The following SRGAP3 variants were observed in gnomAD, a reference collection of about 807,000 sequenced individuals.
SRGAP3 encodes the protein SLIT-ROBO Rho GTPase-activating protein 3.
A neutral mutation model predicts 121.1 loss-of-function variants in SRGAP3; 39 were observed. The observed-to-expected ratio is 0.32, with a 90% CI of 0.25 to 0.42. The LOEUF is 0.42. SRGAP3 is among the 10% of genes least tolerant of loss of function. SRGAP3 has a pLI of 1.00. For missense variants in SRGAP3, 1,213 were observed against 1,470.6 expected (o/e 0.82, Z 2.86); for synonymous variants, 601 against 570.0 (o/e 1.05, Z -0.77).
At chr3:9,180,830 C>T (rs1353345975) in intron 1 of SRGAP3, among the ~76,000 whole-genome samples, 2 of 152,116 alleles carry the variant, frequency 1.3e-5, no homozygotes, top group African/African-American at 4.8e-5. Flanking sequence ...GCCAGCACCT[C>T]CTGCAAATGC....
chr3:9,301,596 C>T (rs1199153267), intron 3 of SRGAP3, among the ~76,000 whole-genome samples: 2 of 152,182 alleles, frequency 1.3e-5, no homozygotes, highest in Admixed American at 1.3e-4. Context: ...ACAGTGAGCA[C>T]GGCTGATGCC....
chr3:9,034,638 G>A (rs1343579968), intron 11 of SRGAP3: 1 of 152,194 alleles, frequency 6.6e-6, no homozygotes, highest in Non-Finnish European at 1.5e-5. Context: ...ATTTTGAAAA[G>A]AAACAACAGG....
At chr3:9,328,304 T>C (rs1422148858) in intron 2 of SRGAP3, among the ~76,000 whole-genome samples, 1 of 152,214 alleles carries the variant, frequency 6.6e-6, no homozygotes, top group African/African-American at 2.4e-5. Flanking sequence ...CAGAAGAAGA[T>C]TACTACAGTA....
rs928651893 is a variant in SRGAP3, at chr3:9,249,626, C to G, written c.-675G>C. On this transcript the variant is annotated 5_prime_UTR_variant, in exon 1 of 22. Transcript: ENST00000383836. ...TTTTCCTGCTGCAACGCTTAAGCTC[C>G]GGTGAACACAAGGCTGGACTGCTCG... The G allele has an allele frequency of 4.2e-6, 1 of 237,174 alleles. No homozygotes were observed. Among genetic ancestry groups the G allele is most frequent in the African/African-American group, 2.2e-5 (1 of 45,338 alleles). The allele number at this position is 237,174 out of a possible 1,614,324, so 14.7% of individuals were successfully genotyped here.
intron 1 of SRGAP3, among the ~76,000 whole-genome samples, chr3:9,175,147 A>C (rs1951132549): frequency 1.3e-5 from 2 of 152,230 alleles, no homozygotes; most frequent in South Asian, 4.1e-4. Context: ...TTCCAACATC[A>C]TTTAAGCATG....
chr3:9,066,480 T>G (rs1335801240), intron 4 of SRGAP3, among the ~76,000 whole-genome samples: 5 of 152,194 alleles, frequency 3.3e-5, no homozygotes, highest in Non-Finnish European at 7.3e-5. Flanking sequence ...GTGCGTTTAT[T>G]AGAATGAGGA....
chr3:9,228,969 G>A (rs1313874407), intron 1 of SRGAP3, among the ~76,000 whole-genome samples: 1 of 151,432 alleles, frequency 6.6e-6, no homozygotes. Flanking sequence ...GGCTGAGGCA[G>A]GAGAATGGCG....
At chr3:9,029,361 T>C (rs1308696478) in intron 12 of SRGAP3, among the ~76,000 whole-genome samples, 1 of 152,172 alleles carries the variant, frequency 6.6e-6, no homozygotes, top group East Asian at 1.9e-4. Context: ...GGCTTCAAAA[T>C]TGGCTCTTAT....
At chr3:9,112,913 T>C (rs1324888389) in intron 2 of SRGAP3, among the ~76,000 whole-genome samples, 1 of 152,124 alleles carries the variant, frequency 6.6e-6, no homozygotes, top group Non-Finnish European at 1.5e-5. Flanking sequence ...TATTTGTGAG[T>C]AGGTGAAAAG....
intron 3 of SRGAP3, among the ~76,000 whole-genome samples, chr3:9,318,793 C>T (rs1353279062): frequency 6.6e-6 from 1 of 151,476 alleles, no homozygotes; most frequent in Non-Finnish European, 1.5e-5. Context: ...ATGGGGGGAT[C>T]GCTTGAGCCT....
chr3:9,070,534 T>A (rs1373964724), intron 4 of SRGAP3, among the ~76,000 whole-genome samples: 1 of 152,156 alleles, frequency 6.6e-6, no homozygotes, highest in Non-Finnish European at 1.5e-5. Context: ...GCTGGCTGGA[T>A]CAACAGATCA....
chr3:9,162,179 C>T (rs1293142759), intron 1 of SRGAP3, among the ~76,000 whole-genome samples: 1 of 151,976 alleles, frequency 6.6e-6, no homozygotes, highest in African/African-American at 2.4e-5. Flanking sequence ...GAGTGGGTTT[C>T]AGTTGCGGAA....
chr3:8,992,753 T>C (rs1188269019), intron 20 of SRGAP3, 153 bp downstream of exon 20: 1 of 1,407,674 alleles, frequency 7.1e-7, no homozygotes, highest in Non-Finnish European at 9.9e-7. Context: ...CTTGGGCCAA[T>C]GCCAGCCAGC....
intron 1 of SRGAP3, among the ~76,000 whole-genome samples, chr3:9,162,547 T>A (rs910748961): frequency 3.3e-5 from 5 of 152,210 alleles, no homozygotes; most frequent in African/African-American, 1.2e-4. Context: ...CTGCTCCTTC[T>A]GGTCCACTTG....
At chr3:9,344,729 A>G (rs895721251) in intron 1 of SRGAP3, among the ~76,000 whole-genome samples, 1 of 152,166 alleles carries the variant, frequency 6.6e-6, no homozygotes, top group African/African-American at 2.4e-5. Flanking sequence ...CTACCTTTCT[A>G]TATTTCCTAA....
intron 3 of SRGAP3, among the ~76,000 whole-genome samples, chr3:9,080,383 G>A (rs1947181396): frequency 6.6e-6 from 1 of 152,142 alleles, no homozygotes; most frequent in African/African-American, 2.4e-5. Flanking sequence ...AAAGATGTGG[G>A]GAAGCCCCAC....
intron 1 of SRGAP3, among the ~76,000 whole-genome samples, chr3:9,204,658 T>A (rs988080208): frequency 2.6e-5 from 4 of 152,222 alleles, no homozygotes; most frequent in Admixed American, 2.6e-4. Context: ...GGTCTTTTTT[T>A]TTTTTAAGTC....
At chr3:9,295,230 C>T (rs989544896) in intron 3 of SRGAP3, among the ~76,000 whole-genome samples, 2 of 152,298 alleles carry the variant, frequency 1.3e-5, no homozygotes, top group East Asian at 3.9e-4. Context: ...TGGTCTGTTG[C>T]TATGGCAACT....
intron 3 of SRGAP3, among the ~76,000 whole-genome samples, chr3:9,283,028 C>G (rs1954707899): frequency 6.6e-6 from 1 of 151,756 alleles, no homozygotes; most frequent in Admixed American, 6.6e-5. Flanking sequence ...TCTCTGTCTG[C>G]CTCCTGGGTT....
Sources: allele counts gnomAD v4.1 joint callset (sites outside exome capture counted in the v4.1 genomes callset), GRCh38; gene constraint gnomAD v4.1.1; transcripts MANE v1.5; gene names NCBI Gene and HGNC (gene_info 2026-07-23, HGNC 2026-07-21).